HIPK3: variants seen among roughly 807,000 people sequenced by gnomAD.
The protein encoded by HIPK3 is homeodomain interacting protein kinase 3, also known as homeodomain-interacting protein kinase 3.
Under a neutral mutation model 124.2 loss-of-function variants are expected in HIPK3, and 47 were observed. The observed-to-expected ratio is 0.38, with a 90% CI of 0.30 to 0.48. HIPK3 has a LOEUF of 0.48. HIPK3 is among the 20% of genes least tolerant of loss of function. The pLI is 0.98. For missense variants in HIPK3, 1,286 were observed against 1,454.3 expected, an observed-to-expected ratio of 0.88 and a Z score of 1.88; for synonymous variants, 482 against 515.2, an observed-to-expected ratio of 0.94 and a Z score of 0.87.
At chr11:33,281,993 C>G (rs1326366652) in intron 1 of HIPK3, among the ~76,000 whole-genome samples, 1 of 152,136 alleles carries the variant, frequency 6.6e-6, no homozygotes, top group Non-Finnish European at 1.5e-5. Flanking sequence ...GATTGCCTTC[C>G]CACCATCTGT....
chr11:33,303,871 C>T (rs1852074997), intron 2 of HIPK3, among the ~76,000 whole-genome samples: 1 of 152,076 alleles, frequency 6.6e-6, no homozygotes, highest in Admixed American at 6.6e-5. Context: ...GAAAACATTG[C>T]ATTACAAAGA....
intron 2 of HIPK3, among the ~76,000 whole-genome samples, chr11:33,308,398 AT>A (rs571068413): frequency 2.6e-3 from 389 of 152,258 alleles, no homozygotes; most frequent in Non-Finnish European, 3.2e-3. Context: ...CTGCAAAACT[AT>A]TTTAATTTCA....
intron 8 of HIPK3, among the ~76,000 whole-genome samples, chr11:33,346,375 T>A (rs1017491586): frequency 6.6e-6 from 1 of 152,194 alleles, no homozygotes; most frequent in African/African-American, 2.4e-5. Flanking sequence ...TGCGGAAACC[T>A]TAGTTTTATC....
rs139792566 is a variant in HIPK3 at position 33,333,494 on chromosome 11, T to G, written c.1222-3581T>G. Among the ~76,000 whole-genome samples, 41 of 152,350 alleles carry G rather than the reference T, an allele frequency of 2.7e-4. No individual in the cohort carries two copies. The East Asian group carries it at 6.9e-3, about 26-fold the overall frequency. On this transcript the variant is annotated intron_variant, in intron 3 of 16. Transcript: ENST00000303296. Reference sequence around the variant, plus strand: ...AGTTAATCTGATTGACTTAGTTTTTTTCTAGTTGAGTTCATGAGGCCAGTT... The same window carrying G: ...AGTTAATCTGATTGACTTAGTTTTTGTCTAGTTGAGTTCATGAGGCCAGTT...
chr11:33,260,863 C>T (rs1346676007), intron 1 of HIPK3, among the ~76,000 whole-genome samples: 1 of 151,992 alleles, frequency 6.6e-6, no homozygotes, highest in Non-Finnish European at 1.5e-5. Context: ...TCCTGGTTTT[C>T]TGATGTCCAA....
rs755963043 is a variant in HIPK3, at chr11:33,353,501, C to T, written c.3581C>T (p.Ala1194Val). The T allele has an allele frequency of 2.5e-6, 4 of 1,614,104 alleles. No individual in the cohort carries two copies. The Admixed American group carries it at 5.0e-5, about 20-fold the overall frequency. Residue 1194 changes from alanine (A) to valine (V), a missense_variant, in exon 17 of 17, where the codon GCA becomes GTA. This residue lies in a region of HIPK3 where 810 missense variants were observed against 864.9 expected (regional missense o/e 0.94). Coordinates refer to ENST00000303296, the MANE Select transcript of HIPK3 (RefSeq NM_005734.5). Reference sequence around the variant, plus strand: ...ATCTTCCCACCACATTCTTACATTGCAGCATCACCTGCATATACTGGATTT... The same window carrying T: ...ATCTTCCCACCACATTCTTACATTGTAGCATCACCTGCATATACTGGATTT... ...KPIFPPHSYI[A>V]ASPAYTGFPL...
intron 2 of HIPK3, among the ~76,000 whole-genome samples, chr11:33,321,070 A>G (rs935455616): frequency 4.6e-5 from 7 of 152,198 alleles, no homozygotes; most frequent in Non-Finnish European, 7.3e-5. Flanking sequence ...TGGGAAAATG[A>G]AACGGAACTA....
In HIPK3 at chr11:33,257,823, C is replaced by G; in HGVS notation, c.-69C>G. The G allele has an allele frequency of 1.0e-6, 1 of 986,352 alleles. No individual in the cohort carries two copies. The highest frequency in any genetic ancestry group is 1.2e-6 in the Non-Finnish European group (1 of 830,704). 61.1% of individuals were successfully genotyped at this position (986,352 alleles called of 1,614,324 possible). On this transcript the variant is annotated 5_prime_UTR_variant, in exon 1 of 17. Coordinates refer to ENST00000303296, the MANE Select transcript of HIPK3 (RefSeq NM_005734.5). ...GCTCCCGGTCCCCGGCACGGCCCTG[C>G]GCCCCACCCCGGACATGCTCAGGGC...
In HIPK3 at chr11:33,347,892, C is replaced by T; in HGVS notation, c.2185C>T (p.Pro729Ser). 1 of 1,614,170 alleles carries T rather than the reference C, an allele frequency of 6.2e-7. No homozygotes were observed. Among genetic ancestry groups the T allele is most frequent in the Non-Finnish European group, 8.5e-7 (1 of 1,179,996 alleles). ...CAGCAATCATTATAACTCAGTGATG[C>T]CGCAGCCTCTTCTGACCAATCAGAT... ...SCSNHYNSVM[P>S]QPLLTNQITL... The change falls in exon 11 of 17, where the codon CCG (proline) becomes TCG (serine). Residue 729 changes from proline to serine, a missense_variant. By Grantham distance (74) the Pro-to-Ser change is moderately conservative. Coordinates refer to ENST00000303296, the MANE Select transcript of HIPK3 (RefSeq NM_005734.5).
chr11:33,270,139 G>C (rs1851083798), intron 1 of HIPK3, among the ~76,000 whole-genome samples: 1 of 151,978 alleles, frequency 6.6e-6, no homozygotes, highest in African/African-American at 2.4e-5. Flanking sequence ...CATGACGCCT[G>C]GCTAATTTTT....
intron 3 of HIPK3, among the ~76,000 whole-genome samples, chr11:33,329,428 A>C (rs1852907015): frequency 6.6e-6 from 1 of 152,196 alleles, no homozygotes. Context: ...CAAGCAAGAA[A>C]AAATAGAAAA....
At chr11:33,283,186 C>T (rs1851457650) in intron 1 of HIPK3, among the ~76,000 whole-genome samples, 1 of 151,856 alleles carries the variant, frequency 6.6e-6, no homozygotes, top group South Asian at 2.1e-4. Flanking sequence ...TCTCTGCTCA[C>T]TGCAACCTCT....
intron 1 of HIPK3, among the ~76,000 whole-genome samples, chr11:33,265,324 A>G (rs1850923785): frequency 6.6e-6 from 1 of 152,078 alleles, no homozygotes; most frequent in Non-Finnish European, 1.5e-5. Flanking sequence ...TGTATTTTAA[A>G]GTTAGGTAAG....
At chr11:33,271,068 A>T (rs147057960) in intron 1 of HIPK3, among the ~76,000 whole-genome samples, 1 of 152,178 alleles carries the variant, frequency 6.6e-6, no homozygotes, top group Non-Finnish European at 1.5e-5. Flanking sequence ...TAGTATACCA[A>T]TTCCTAGCAG....
At position 33,350,526 on chromosome 11, in the gene HIPK3, A is replaced by C. The variant is rs537466197; in HGVS notation, c.2808-1082A>C. ...TACCAAAAATTAAAAAAAAAAAAAA[A>C]AGCAGGATGTGGTGTTGCATGCCTG... On this transcript the variant is annotated intron_variant, in intron 14 of 16. Transcript: ENST00000303296. Among the ~76,000 whole-genome samples, 12 of 151,812 alleles carry C rather than the reference A, an allele frequency of 7.9e-5. No individual in the cohort carries two copies. The East Asian group carries it at 2.3e-3, about 29-fold the overall frequency.
At chr11:33,308,491 C>T (rs1852228976) in intron 2 of HIPK3, among the ~76,000 whole-genome samples, 1 of 152,154 alleles carries the variant, frequency 6.6e-6, no homozygotes, top group Non-Finnish European at 1.5e-5. Context: ...ATTCTGCCTT[C>T]TATTATTTCC....
At chr11:33,270,690 T>G (rs887762548) in intron 1 of HIPK3, among the ~76,000 whole-genome samples, 12 of 152,228 alleles carry the variant, frequency 7.9e-5, no homozygotes, top group Admixed American at 7.9e-4. Flanking sequence ...GTGTGGTAGC[T>G]CATGCCTATA....
At chr11:33,310,499 G>A (rs907562806) in intron 2 of HIPK3, among the ~76,000 whole-genome samples, 2 of 151,740 alleles carry the variant, frequency 1.3e-5, no homozygotes, top group Non-Finnish European at 2.9e-5. Flanking sequence ...AGTAGAGATG[G>A]GGTTTTGCTA....
At chr11:33,352,612 A>G (rs1448308112) in intron 16 of HIPK3, among the ~76,000 whole-genome samples, 3 of 152,186 alleles carry the variant, frequency 2.0e-5, no homozygotes, top group African/African-American at 7.2e-5. Context: ...AAGATCACAG[A>G]TACTGGAGTT....
Sources: gnomAD v4.1 joint callset for allele counts (sites outside exome capture counted in the v4.1 genomes callset) on GRCh38, gnomAD v4.1.1 for gene constraint, gnomAD v4.1.1 regional missense constraint, MANE v1.5 for transcripts, NCBI Gene and HGNC (gene_info 2026-07-23, HGNC 2026-07-21) for gene names.